The following DOCK2 variants were observed in gnomAD, a reference collection of about 807,000 sequenced individuals.
DOCK2 encodes dedicator of cytokinesis 2.
In DOCK2, 87 loss-of-function variants were observed where a neutral mutation model predicts 248.9. The observed-to-expected ratio is 0.35, with a 90% CI of 0.29 to 0.42. The LOEUF (loss-of-function observed/expected upper bound fraction) is 0.42. DOCK2 is among the 10% of genes least tolerant of loss of function. The pLI is 1.00. For missense variants in DOCK2, 1,747 were observed against 2,300.2 expected (o/e 0.76, Z 4.92); for synonymous variants, 805 against 821.6 (o/e 0.98, Z 0.35).
intron 44 of DOCK2, among the ~76,000 whole-genome samples, chr5:170,062,128 T>TGTGTGTGAGA (rs778077276): frequency 0.017 from 2,367 of 137,754 alleles, 29 homozygotes; most frequent in Middle Eastern, 0.064. Context: ...TGTGTGTGTG[T>TGTGTGTGAGA]GAGAGAGAGA....
At chr5:169,709,546 A>C (rs757621257) in intron 15 of DOCK2, among the ~76,000 whole-genome samples, 12 of 151,988 alleles carry the variant, frequency 7.9e-5, no homozygotes, top group Non-Finnish European at 1.5e-4. Flanking sequence ...ACTAAAAATA[A>C]ATACATACAT....
intron 25 of DOCK2, among the ~76,000 whole-genome samples, chr5:169,773,774 T>A (rs1036265509): frequency 6.6e-6 from 1 of 152,186 alleles, no homozygotes; most frequent in Non-Finnish European, 1.5e-5. Flanking sequence ...AATTCCCACG[T>A]GTTGTGGGTG....
At chr5:170,009,899 C>T (rs945927459) in intron 32 of DOCK2, among the ~76,000 whole-genome samples, 1 of 152,200 alleles carries the variant, frequency 6.6e-6, no homozygotes, top group Non-Finnish European at 1.5e-5. Context: ...CAGGTTGGTT[C>T]ACAAAGCCCA....
In DOCK2 at chr5:169,701,369, T is replaced by G. The variant is rs374715517; in HGVS notation, c.1259-934T>G. On this transcript the variant is annotated intron_variant, in intron 13 of 51. Transcript: ENST00000520908. ...GTCTTGGACTTCCGTTCACGATGGC[T>G]CTCACTGACTGGCTGTTTCTTTCCA... Among the ~76,000 whole-genome samples the G allele has an allele frequency of 4.6e-5, 7 of 152,376 alleles. No individual in the cohort carries two copies. In the East Asian group the frequency reaches 1.2e-3, roughly 25 times the overall value.
Position 170,052,452 on chromosome 5 carries a change from G to C in DOCK2, c.4213+2055G>C, listed in dbSNP as rs543721463. On this transcript the variant is annotated intron_variant, in intron 41 of 51. Transcript: ENST00000520908. ...AACATCTCCCCTGGTTCAGTGCCAG[G>C]AGGCAGGTGCAAAAGAAAAGGGGAA... Among the ~76,000 whole-genome samples, 7 of 152,302 alleles carry C rather than the reference G, an allele frequency of 4.6e-5. No homozygotes were observed. The South Asian group carries it at 1.5e-3, about 32-fold the overall frequency.
intron 27 of DOCK2, chr5:169,875,289 G>T: frequency 2.2e-6 from 1 of 456,602 alleles, no homozygotes; most frequent in Non-Finnish European, 4.4e-6. Context: ...GTGGCTTTGG[G>T]GCTGAAACCC....
At chr5:169,700,387 CCTTTA>C (rs1489709276) in intron 13 of DOCK2, among the ~76,000 whole-genome samples, 2 of 152,126 alleles carry the variant, frequency 1.3e-5, no homozygotes, top group East Asian at 3.8e-4. Flanking sequence ...ATTTTATATT[CCTTTA>C]CTTAATATAC....
chr5:169,882,586 T>C, intron 27 of DOCK2: 1 of 1,550,488 alleles, frequency 6.4e-7, no homozygotes, highest in Non-Finnish European at 8.7e-7. Flanking sequence ...CTCCAAGTCT[T>C]GAATTACATT....
chr5:169,932,419 G>A (rs1228541545), intron 27 of DOCK2, among the ~76,000 whole-genome samples: 4 of 152,198 alleles, frequency 2.6e-5, no homozygotes, highest in Admixed American at 2.6e-4. Flanking sequence ...GAGAGAATGG[G>A]GAAGGAAGAT....
chr5:169,898,625 A>C (rs1057405032), intron 27 of DOCK2, among the ~76,000 whole-genome samples: 3 of 152,216 alleles, frequency 2.0e-5, no homozygotes, highest in African/African-American at 7.2e-5. Context: ...CATAGTGTCT[A>C]TCTTATCTAC....
chr5:169,821,555 CAGACA>C (rs1768443272), intron 26 of DOCK2, among the ~76,000 whole-genome samples: 1 of 152,124 alleles, frequency 6.6e-6, no homozygotes, highest in African/African-American at 2.4e-5. Context: ...AAATCCTTTA[CAGACA>C]AGCAAATGCT....
At chr5:169,960,026 G>C (rs1777022002) in intron 27 of DOCK2, among the ~76,000 whole-genome samples, 1 of 152,172 alleles carries the variant, frequency 6.6e-6, no homozygotes, top group Non-Finnish European at 1.5e-5. Context: ...CAGAGTGTCG[G>C]ATCTCAGGCT....
chr5:169,955,892 C>T (rs1479245499), intron 27 of DOCK2, among the ~76,000 whole-genome samples: 1 of 152,192 alleles, frequency 6.6e-6, no homozygotes, highest in African/African-American at 2.4e-5. Context: ...AGACATGGCT[C>T]ATTGTACTGC....
At chr5:169,730,223 C>T (rs1450757396) in intron 22 of DOCK2, among the ~76,000 whole-genome samples, 9 of 152,208 alleles carry the variant, frequency 5.9e-5, no homozygotes, top group African/African-American at 1.7e-4. Context: ...TCCCAAAGTG[C>T]TGGGATTACA....
intron 27 of DOCK2, among the ~76,000 whole-genome samples, chr5:169,958,186 C>T (rs1776944053): frequency 6.6e-6 from 1 of 151,682 alleles, no homozygotes; most frequent in African/African-American, 2.4e-5. Context: ...GAAATGAGGG[C>T]CTGGCTAAAT....
intron 24 of DOCK2, among the ~76,000 whole-genome samples, chr5:169,760,441 T>A (rs181507892): frequency 2.4e-4 from 37 of 152,216 alleles, no homozygotes; most frequent in African/African-American, 8.4e-4. Flanking sequence ...ATGGCACATT[T>A]ATAAAAACTG....
At chr5:170,039,025 G>A (rs554472621) in intron 36 of DOCK2, among the ~76,000 whole-genome samples, 5 of 152,246 alleles carry the variant, frequency 3.3e-5, no homozygotes, top group African/African-American at 7.2e-5. Flanking sequence ...AACGTTAGGC[G>A]GGAGGAAAGT....
Position 169,983,109 on chromosome 5 carries a change from G to A in DOCK2, c.2841G>A (p.Met947Ile), listed in dbSNP as rs1777982964. ...VACMTAILNQMGDQHYSFYIE... is the reference protein window; with the variant it reads ...VACMTAILNQIGDQHYSFYIE... ...GTATGACAGCCATCTTAAACCAGAT[G>A]GGTGACCAGCACTACTCCTTCTACA... The change falls in exon 28 of 52, where the codon ATG becomes ATA. Residue 947 changes from methionine (M) to isoleucine (I), a missense_variant. Around this residue, in one of 4 missense-constraint regions of DOCK2, gnomAD observed 858 missense variants for 1,183.5 expected, o/e 0.72. Coordinates refer to ENST00000520908, the MANE Select transcript of DOCK2 (RefSeq NM_004946.3). The A allele has an allele frequency of 6.2e-7, 1 of 1,614,028 alleles. No homozygotes were observed. The highest frequency in any genetic ancestry group is 8.5e-7 in the Non-Finnish European group (1 of 1,179,908).
At chr5:169,907,735 G>GAA (rs1774364222) in intron 27 of DOCK2, among the ~76,000 whole-genome samples, 1 of 152,230 alleles carries the variant, frequency 6.6e-6, no homozygotes, top group Non-Finnish European at 1.5e-5. Context: ...CTCTAGAGCA[G>GAA]TGGTTTTCAA....
Sources: gnomAD v4.1 joint callset for allele counts (sites outside exome capture counted in the v4.1 genomes callset) on GRCh38, gnomAD v4.1.1 for gene constraint, gnomAD v4.1.1 regional missense constraint, MANE v1.5 for transcripts, NCBI Gene and HGNC (gene_info 2026-07-23, HGNC 2026-07-21) for gene names.